PYGL: variants seen among roughly 807,000 people sequenced by gnomAD.
PYGL encodes glycogen phosphorylase, liver form.
PYGL carries 90 observed loss-of-function variants against 100.1 expected under a neutral mutation model. That is an observed-to-expected ratio of 0.90 (90% CI 0.76 to 1.07). The LOEUF (loss-of-function observed/expected upper bound fraction) is 1.07, where lower values mean the gene tolerates loss of function less well. Ranked by LOEUF, PYGL falls within the 50% of genes least tolerant of loss-of-function variation. The pLI is 0.00. For synonymous variants in PYGL, 373 were observed against 393.0 expected, an observed-to-expected ratio of 0.95 and a Z score of 0.60; for missense variants, 1,016 against 1,057.6, an observed-to-expected ratio of 0.96 and a Z score of 0.55.
chr14:50,921,104 C>T, intron 5 of PYGL, 37 bp from the exon 6 acceptor site: 1 of 1,511,104 alleles, frequency 6.6e-7, no homozygotes, highest in Non-Finnish European at 9.2e-7. Flanking sequence ...TCATTGTTTC[C>T]CAAGTGTGAT....
In PYGL at chr14:50,916,640, A is replaced by G; in HGVS notation, c.1092+2T>C. On this transcript the variant is annotated splice_donor_variant, in intron 9 of 19. Coordinates refer to ENST00000216392, the MANE Select transcript of PYGL (RefSeq NM_002863.5). LOFTEE classifies it high-confidence loss of function. ...AGGAAAAAGAAGCCAAACTATCCAG[A>G]CCTTGGACCAGGGCAGTTTTTCAAT... 1 of 1,608,878 alleles carries G rather than the reference A, an allele frequency of 6.2e-7. No individual in the cohort carries two copies. The highest frequency in any genetic ancestry group is 8.5e-7 in the Non-Finnish European group (1 of 1,175,254).
At chr14:50,928,908 G>A (rs913372733) in intron 4 of PYGL, among the ~76,000 whole-genome samples, 9 of 151,960 alleles carry the variant, frequency 5.9e-5, no homozygotes, top group African/African-American at 1.9e-4. Context: ...TATGTTTGAC[G>A]GTTAAAATCC....
intron 4 of PYGL, among the ~76,000 whole-genome samples, chr14:50,927,716 C>T (rs1022245586): frequency 6.6e-6 from 1 of 152,120 alleles, no homozygotes; most frequent in Admixed American, 6.6e-5. Flanking sequence ...GTGAATAATT[C>T]TATCAATTTT....
In PYGL at chr14:50,908,139, G is replaced by T. The variant is rs565545011; in HGVS notation, c.2379+132C>A. 8.5e-4 allele frequency: 430 copies of T among 503,088 alleles called. 2 individuals are homozygous for T. The highest frequency in any genetic ancestry group is 5.6e-3 in the South Asian group (189 of 33,566). The allele number at this position is 503,088 out of a possible 1,614,324, so 31.2% of individuals were successfully genotyped here. On this transcript the variant is annotated intron_variant, in intron 19 of 19. Coordinates refer to ENST00000216392, the MANE Select transcript of PYGL (RefSeq NM_002863.5). ...TTGTGGTTGTTTGTTTGTTTTTGTT[G>T]TTTTTTTTTTGATTGCTTAATGGGG...
chr14:50,944,330 A>T lies in PYGL; in HGVS notation c.74T>A (p.Val25Glu). The T allele has an allele frequency of 1.2e-6, 2 of 1,613,910 alleles. No individual in the cohort carries two copies. Among genetic ancestry groups the T allele is most frequent in the Non-Finnish European group, 1.7e-6 (2 of 1,179,860 alleles). Residue 25 changes from valine to glutamate, a missense_variant, in exon 1 of 20, where the codon GTG becomes GAG. Coordinates refer to ENST00000216392, the MANE Select transcript of PYGL (RefSeq NM_002863.5). ...GTTGAAACTCTTCTTCAGCTCTGCC[A>T]CGTTCTCCACGCCCACGATGCCGCG... ...SIRGIVGVEN[V>E]AELKKSFNRH...
intron 1 of PYGL, among the ~76,000 whole-genome samples, chr14:50,943,522 C>CT (rs769332241): frequency 8.5e-5 from 13 of 152,226 alleles, no homozygotes; most frequent in Non-Finnish European, 1.5e-4. Context: ...AGGGCATTGC[C>CT]TGGCCCTGGG....
chr14:50,912,211 T>C lies in PYGL; in HGVS notation c.1713A>G (p.Ile571Met). The change falls in exon 14 of 20, where the codon ATA becomes ATG. Residue 571 changes from isoleucine (I) to methionine (M), a missense_variant. Ile to Met is a conservative substitution (Grantham distance 10, BLOSUM62 1). Coordinates refer to ENST00000216392, the MANE Select transcript of PYGL (RefSeq NM_002863.5). The part of the protein sequence containing the change: ...SSMFDVQVKR[I>M]HEYKRQLLNC... Reference sequence around the variant, plus strand: ...TCAAGAGCTGTCGCTTGTACTCATGTATCCTCTTCACCTGGACATCAAACA... The same window carrying C: ...TCAAGAGCTGTCGCTTGTACTCATGCATCCTCTTCACCTGGACATCAAACA... 1 of 1,614,248 alleles carries C rather than the reference T, an allele frequency of 6.2e-7. No homozygotes were observed. The highest frequency in any genetic ancestry group is 8.5e-7 in the Non-Finnish European group (1 of 1,180,042).
At chr14:50,923,700 A>AG (rs2050521588) in intron 5 of PYGL, 1 of 294,042 alleles carries the variant, frequency 3.4e-6, no homozygotes, top group Non-Finnish European at 6.4e-6. Context: ...AAAAAAAAAA[A>AG]AAAAAAAAAG....
chr14:50,934,551 T>A (rs755683484), intron 3 of PYGL, among the ~76,000 whole-genome samples: 36 of 152,228 alleles, frequency 2.4e-4, no homozygotes, highest in Middle Eastern at 3.4e-3. Context: ...TTTTAAAAAA[T>A]TAAATATTTT....
At chr14:50,925,640 T>C (rs962777583) in intron 4 of PYGL, among the ~76,000 whole-genome samples, 14 of 152,234 alleles carry the variant, frequency 9.2e-5, no homozygotes, top group African/African-American at 2.9e-4. Flanking sequence ...CTAACCATTA[T>C]TGTCAACAGC....
chr14:50,935,660 C>T (rs1231927370), intron 2 of PYGL, among the ~76,000 whole-genome samples: 1 of 152,010 alleles, frequency 6.6e-6, no homozygotes, highest in East Asian at 1.9e-4. Flanking sequence ...CAGAAACAGT[C>T]CAGTACCAAG....
chr14:50,917,275 G>A (rs2050461985), intron 7 of PYGL, among the ~76,000 whole-genome samples, 170 bp from the exon 8 acceptor site: 1 of 152,178 alleles, frequency 6.6e-6, no homozygotes, highest in Non-Finnish European at 1.5e-5. Flanking sequence ...GAGACCCCAT[G>A]AAAATGGCAG....
intron 13 of PYGL, 66 bp from the exon 14 acceptor site, chr14:50,912,369 T>G (rs2050407814): frequency 9.0e-6 from 14 of 1,559,016 alleles, no homozygotes; most frequent in Non-Finnish European, 1.2e-5. Context: ...CTGGTTTTTC[T>G]TTTTTTTGAG....
At chr14:50,943,130 T>C (rs1307372835) in intron 1 of PYGL, among the ~76,000 whole-genome samples, 4 of 152,214 alleles carry the variant, frequency 2.6e-5, no homozygotes, top group Admixed American at 2.6e-4. Flanking sequence ...AAAGTTCTAA[T>C]AAATGTTTAT....
chr14:50,925,867 A>C (rs541221476), intron 4 of PYGL, among the ~76,000 whole-genome samples: 38 of 152,264 alleles, frequency 2.5e-4, no homozygotes, highest in Middle Eastern at 3.4e-3. Flanking sequence ...AAGGCTGGAG[A>C]GAGATCTGAG....
intron 17 of PYGL, among the ~76,000 whole-genome samples, chr14:50,909,496 T>C (rs1296898139): frequency 1.3e-5 from 2 of 152,258 alleles, no homozygotes; most frequent in Non-Finnish European, 2.9e-5. Flanking sequence ...CACCCGTATC[T>C]ATTCTCTATC....
At chr14:50,933,049 G>A (rs2050617046) in intron 3 of PYGL, among the ~76,000 whole-genome samples, 1 of 152,142 alleles carries the variant, frequency 6.6e-6, no homozygotes, top group Non-Finnish European at 1.5e-5. Flanking sequence ...TCTTTAGAGG[G>A]GGTCCCAACT....
rs1686945025 is a variant in PYGL, at chr14:50,912,817, G to A, written c.1620+212C>T. Among the ~76,000 whole-genome samples the A allele has an allele frequency of 2.0e-5, 3 of 152,336 alleles. No homozygotes were observed. The South Asian group carries it at 6.2e-4, about 32-fold the overall frequency. On this transcript the variant is annotated intron_variant, in intron 13 of 19. Coordinates refer to ENST00000216392, the MANE Select transcript of PYGL (RefSeq NM_002863.5). ...AAAAATACAAAAATTAGCCGGGCGT[G>A]GTGGCGGGCGCCTGTCATCCCAGCT...
chr14:50,926,130 C>T (rs1448128414), intron 4 of PYGL, among the ~76,000 whole-genome samples: 2 of 152,124 alleles, frequency 1.3e-5, no homozygotes, highest in African/African-American at 2.4e-5. Flanking sequence ...GCAGGAAGGT[C>T]ACTTGATCCC....
Sources: gnomAD v4.1 joint callset for allele counts (sites outside exome capture counted in the v4.1 genomes callset) on GRCh38, gnomAD v4.1.1 for gene constraint, MANE v1.5 for transcripts, NCBI Gene and HGNC (gene_info 2026-07-23, HGNC 2026-07-21) for gene names.